NELL1: variants seen among roughly 807,000 people sequenced by gnomAD.
NELL1 encodes the protein neural EGFL like 1.
A neutral mutation model predicts 107.4 loss-of-function variants in NELL1; 76 were observed. The observed-to-expected ratio is 0.71, with a 90% CI of 0.59 to 0.86. The LOEUF is 0.86. Ranked by LOEUF, NELL1 falls within the 40% of genes least tolerant of loss-of-function variation. The probability of loss-of-function intolerance (pLI) is 0.00; values close to 1 mark genes in which losing one functional copy is unlikely to be tolerated. For synonymous variants in NELL1, 353 were observed against 341.2 expected (o/e 1.03, Z -0.38); for missense variants, 1,024 against 1,005.5 (o/e 1.02, Z -0.25).
chr11:21,036,016 CT>C (rs1438374723), intron 12 of NELL1, among the ~76,000 whole-genome samples: 1 of 152,106 alleles, frequency 6.6e-6, no homozygotes, highest in Admixed American at 6.6e-5. Flanking sequence ...GCTTCTTAAG[CT>C]GATAAACAAC....
intron 13 of NELL1, among the ~76,000 whole-genome samples, chr11:21,182,706 A>G (rs1856854121): frequency 6.6e-6 from 1 of 151,646 alleles, no homozygotes; most frequent in Non-Finnish European, 1.5e-5. Context: ...TTAGAGGAAA[A>G]GAGGCTTCCC....
intron 14 of NELL1, among the ~76,000 whole-genome samples, chr11:21,279,739 ACT>A (rs1193020464): frequency 6.6e-6 from 1 of 152,172 alleles, no homozygotes; most frequent in Non-Finnish European, 1.5e-5. Flanking sequence ...TGAGTTGTAA[ACT>A]CTGTCCTCAC....
chr11:20,683,380 C>T (rs1439334921), intron 2 of NELL1, among the ~76,000 whole-genome samples: 1 of 151,816 alleles, frequency 6.6e-6, no homozygotes, highest in Admixed American at 6.6e-5. Context: ...TTATGTGTTG[C>T]TGAGGTTTGG....
chr11:20,999,502 A>G (rs1286488251), intron 12 of NELL1, among the ~76,000 whole-genome samples: 1 of 152,202 alleles, frequency 6.6e-6, no homozygotes, highest in Non-Finnish European at 1.5e-5. Flanking sequence ...AAGAGACTCA[A>G]CTTATTCCTT....
At chr11:21,507,868 C>T (rs991420331) in intron 15 of NELL1, among the ~76,000 whole-genome samples, 4 of 151,646 alleles carry the variant, frequency 2.6e-5, no homozygotes, top group Non-Finnish European at 4.4e-5. Flanking sequence ...GCAACCTCTA[C>T]CTGCCGGGTT....
chr11:21,089,653 T>C (rs1362859907), intron 12 of NELL1, among the ~76,000 whole-genome samples: 3 of 152,206 alleles, frequency 2.0e-5, no homozygotes, highest in East Asian at 3.9e-4. Flanking sequence ...TGCAAAGATA[T>C]CAGAAAGGAG....
At chr11:21,404,836 C>T (rs1223628014) in intron 15 of NELL1, among the ~76,000 whole-genome samples, 1 of 151,960 alleles carries the variant, frequency 6.6e-6, no homozygotes, top group East Asian at 2.0e-4. Flanking sequence ...TGAATATCAG[C>T]CCTGGGGGCT....
At chr11:20,975,569 A>G (rs1257815970) in intron 12 of NELL1, among the ~76,000 whole-genome samples, 1 of 127,398 alleles carries the variant, frequency 7.8e-6, no homozygotes, top group Non-Finnish European at 1.7e-5. Flanking sequence ...TACAGATATA[A>G]TGTATTATAT....
chr11:20,921,379 T>C (rs896770866), intron 7 of NELL1, among the ~76,000 whole-genome samples: 1 of 152,148 alleles, frequency 6.6e-6, no homozygotes, highest in African/African-American at 2.4e-5. Flanking sequence ...TTTAATTCAT[T>C]AGTCTGCTTT....
At chr11:20,922,128 T>C (rs1183467160) in intron 7 of NELL1, among the ~76,000 whole-genome samples, 2 of 152,090 alleles carry the variant, frequency 1.3e-5, no homozygotes, top group Non-Finnish European at 2.9e-5. Flanking sequence ...AATCTTTATA[T>C]AGGGGTTTGC....
intron 13 of NELL1, among the ~76,000 whole-genome samples, chr11:21,196,740 T>C (rs1476631681): frequency 6.6e-6 from 1 of 152,184 alleles, no homozygotes; most frequent in East Asian, 1.9e-4. Context: ...TGAGCTGTAT[T>C]ACAGCAGGAG....
intron 2 of NELL1, among the ~76,000 whole-genome samples, chr11:20,767,677 T>C (rs1020493794): frequency 6.6e-6 from 1 of 152,224 alleles, no homozygotes; most frequent in East Asian, 1.9e-4. Flanking sequence ...CTTGAGGGGC[T>C]ATTGGCCTAG....
intron 11 of NELL1, among the ~76,000 whole-genome samples, chr11:20,958,874 A>C (rs1312956311): frequency 6.6e-6 from 1 of 152,200 alleles, no homozygotes; most frequent in African/African-American, 2.4e-5. Context: ...ATGTCCATCC[A>C]TGGTATAGGC....
intron 15 of NELL1, among the ~76,000 whole-genome samples, chr11:21,516,498 T>C (rs1159853750): frequency 6.6e-6 from 1 of 152,090 alleles, no homozygotes; most frequent in Non-Finnish European, 1.5e-5. Context: ...GAGAGTACAC[T>C]TACACAAATC....
intron 15 of NELL1, among the ~76,000 whole-genome samples, chr11:21,499,383 G>T (rs1427452593): frequency 6.6e-6 from 1 of 151,920 alleles, no homozygotes; most frequent in African/African-American, 2.4e-5. Context: ...CTATTTTTCA[G>T]ATTTTCCACA....
intron 13 of NELL1, among the ~76,000 whole-genome samples, chr11:21,212,632 G>A (rs1238792858): frequency 6.6e-6 from 1 of 152,194 alleles, no homozygotes; most frequent in African/African-American, 2.4e-5. Flanking sequence ...CAATAAGGCA[G>A]TGCAAGGCAG....
chr11:20,935,163 A>G (rs547527598), intron 9 of NELL1, among the ~76,000 whole-genome samples: 72 of 152,292 alleles, frequency 4.7e-4, no homozygotes, highest in African/African-American at 1.7e-3. Context: ...GGGGGTTGCA[A>G]TTAGCAGCAG....
chr11:21,060,347 A>G (rs1285100363), intron 12 of NELL1, among the ~76,000 whole-genome samples: 1 of 152,218 alleles, frequency 6.6e-6, no homozygotes. Flanking sequence ...CAAACTATGC[A>G]TGTTAATAGC....
chr11:20,888,371 T>C (rs896655452), intron 5 of NELL1, among the ~76,000 whole-genome samples: 1 of 151,530 alleles, frequency 6.6e-6, no homozygotes, highest in African/African-American at 2.4e-5. Context: ...GATGCCTCTA[T>C]GTTTTCTAAG....
Sources: gnomAD v4.1 joint callset for allele counts (sites outside exome capture counted in the v4.1 genomes callset) on GRCh38, gnomAD v4.1.1 for gene constraint, MANE v1.5 for transcripts, NCBI Gene and HGNC (gene_info 2026-07-23, HGNC 2026-07-21) for gene names.